IGSF11: variants seen among roughly 807,000 people sequenced by gnomAD.
The protein encoded by IGSF11 is immunoglobulin superfamily member 11, also known as CXADR like 1.
In IGSF11, 22 loss-of-function variants were observed where a neutral mutation model predicts 41.0. That is an observed-to-expected ratio of 0.54 (90% CI 0.38 to 0.77). The LOEUF (loss-of-function observed/expected upper bound fraction) is 0.77. IGSF11 is among the 30% of genes least tolerant of loss of function. The pLI is 0.00. For synonymous variants in IGSF11, 219 were observed against 201.3 expected, an observed-to-expected ratio of 1.09 and a Z score of -0.74; for missense variants, 444 against 530.8, an observed-to-expected ratio of 0.84 and a Z score of 1.61.
At chr3:119,045,436 C>T (rs370678242) in intron 1 of IGSF11, among the ~76,000 whole-genome samples, 8 of 152,220 alleles carry the variant, frequency 5.3e-5, no homozygotes, top group Non-Finnish European at 7.3e-5. Flanking sequence ...GCTTTTGCGA[C>T]GGGCTTAAAA....
At chr3:118,904,573 T>C in intron 6 of IGSF11, 75 bp downstream of exon 6, 1 of 1,072,220 alleles carries the variant, frequency 9.3e-7, no homozygotes, top group Non-Finnish European at 1.4e-6. Context: ...TTAGTAGATA[T>C]ATCTTAACTG....
intron 1 of IGSF11, among the ~76,000 whole-genome samples, chr3:119,077,283 G>C (rs1022023433): frequency 1.3e-5 from 2 of 152,030 alleles, no homozygotes; most frequent in African/African-American, 4.8e-5. Flanking sequence ...TGGGGGAAGG[G>C]GGGAGGGAAA....
chr3:119,134,002 C>A (rs1344168729), intron 1 of IGSF11, among the ~76,000 whole-genome samples: 1 of 152,102 alleles, frequency 6.6e-6, no homozygotes, highest in East Asian at 1.9e-4. Flanking sequence ...AGGCCTTTGA[C>A]AAAACTCAAC....
chr3:118,903,080 G>C (rs1939115518), intron 6 of IGSF11, 119 bp from the exon 7 acceptor site: 2 of 933,470 alleles, frequency 2.1e-6, no homozygotes, highest in South Asian at 1.7e-5. Context: ...ATCCAGGAGA[G>C]ACTACTCTAT....
chr3:119,065,241 C>G (rs1942186593), intron 1 of IGSF11, among the ~76,000 whole-genome samples: 1 of 151,986 alleles, frequency 6.6e-6, no homozygotes, highest in Non-Finnish European at 1.5e-5. Flanking sequence ...TCTCAAATAC[C>G]TTCTCTGTAT....
intron 1 of IGSF11, among the ~76,000 whole-genome samples, chr3:119,048,547 C>T (rs1449590466): frequency 6.6e-6 from 1 of 152,154 alleles, no homozygotes; most frequent in Admixed American, 6.5e-5. Context: ...GATGGATTCA[C>T]AGCCTAATTC....
chr3:118,991,393 G>A (rs916353429), intron 1 of IGSF11, among the ~76,000 whole-genome samples: 6 of 152,186 alleles, frequency 3.9e-5, no homozygotes, highest in African/African-American at 1.4e-4. Flanking sequence ...TTTTACCAAA[G>A]TATGTAACAG....
chr3:118,912,120 G>C (rs1021887000), intron 4 of IGSF11, among the ~76,000 whole-genome samples: 12 of 152,146 alleles, frequency 7.9e-5, no homozygotes, highest in African/African-American at 2.9e-4. Flanking sequence ...TAAAAGAATG[G>C]ATAGAAAATG....
intron 1 of IGSF11, among the ~76,000 whole-genome samples, chr3:118,939,632 A>G (rs548313176): frequency 6.6e-6 from 1 of 151,966 alleles, no homozygotes; most frequent in African/African-American, 2.4e-5. Context: ...ATCACAAGGA[A>G]GATTAGAAAA....
At chr3:119,040,096 C>A (rs1264151083) in intron 1 of IGSF11, among the ~76,000 whole-genome samples, 1 of 152,330 alleles carries the variant, frequency 6.6e-6, no homozygotes, top group Non-Finnish European at 1.5e-5. Flanking sequence ...AGGAGTCATG[C>A]AGCCAGAGGC....
intron 1 of IGSF11, among the ~76,000 whole-genome samples, chr3:118,943,720 C>G (rs1943893344): frequency 6.6e-6 from 1 of 152,152 alleles, no homozygotes; most frequent in Admixed American, 6.5e-5. Context: ...GTTGCATGTC[C>G]TTATCAGTCT....
chr3:118,991,288 C>T (rs1037970501), intron 1 of IGSF11, among the ~76,000 whole-genome samples: 2 of 152,172 alleles, frequency 1.3e-5, no homozygotes, highest in Non-Finnish European at 2.9e-5. Context: ...TATCATAACA[C>T]TATTGTTGTG....
At chr3:119,058,908 G>T (rs564319442) in intron 1 of IGSF11, among the ~76,000 whole-genome samples, 5 of 152,168 alleles carry the variant, frequency 3.3e-5, no homozygotes, top group Admixed American at 2.0e-4. Context: ...CTCACTCATA[G>T]GTGGGAATTG....
At chr3:119,020,820 A>G (rs1489448682) in intron 1 of IGSF11, among the ~76,000 whole-genome samples, 1 of 152,190 alleles carries the variant, frequency 6.6e-6, no homozygotes. Flanking sequence ...CTGCTTCCCC[A>G]CACAATCCTG....
chr3:119,123,676 C>T (rs1380054098), intron 1 of IGSF11, among the ~76,000 whole-genome samples: 2 of 152,106 alleles, frequency 1.3e-5, no homozygotes, highest in African/African-American at 4.8e-5. Flanking sequence ...GAGAGAGAGA[C>T]TGTTTATTTC....
At chr3:119,140,593 T>A (rs1216066680) in intron 1 of IGSF11, among the ~76,000 whole-genome samples, 1 of 149,814 alleles carries the variant, frequency 6.7e-6, no homozygotes, top group Non-Finnish European at 1.5e-5. Context: ...AAGAGAAGAC[T>A]TAACTAACAC....
intron 1 of IGSF11, among the ~76,000 whole-genome samples, chr3:119,027,633 A>G (rs892479012): frequency 1.3e-5 from 2 of 152,196 alleles, no homozygotes; most frequent in Non-Finnish European, 2.9e-5. Flanking sequence ...AGATTCTTTT[A>G]AATTTTCTCA....
intron 1 of IGSF11, among the ~76,000 whole-genome samples, chr3:118,933,421 G>C (rs1943007948): frequency 6.7e-6 from 1 of 150,318 alleles, no homozygotes; most frequent in East Asian, 1.9e-4. Context: ...AGGTCACACT[G>C]ACTACACCAA....
intron 1 of IGSF11, among the ~76,000 whole-genome samples, chr3:118,941,344 A>G (rs148891308): frequency 6.6e-6 from 1 of 152,306 alleles, no homozygotes; most frequent in African/African-American, 2.4e-5. Flanking sequence ...CTATGCATAG[A>G]AAGTATACAA....
Sources: allele counts gnomAD v4.1 joint callset (sites outside exome capture counted in the v4.1 genomes callset), GRCh38; gene constraint gnomAD v4.1.1; transcripts MANE v1.5; gene names NCBI Gene and HGNC (gene_info 2026-07-23, HGNC 2026-07-21).